Variants in SCP2 observed in about 807,000 individuals in gnomAD.
SCP2 encodes SCP-2/3-oxoacyl-CoA thiolase.
In SCP2, 48 loss-of-function variants were observed where a neutral mutation model predicts 71.4. The observed-to-expected ratio is 0.67, with a 90% CI of 0.53 to 0.86. SCP2 has a LOEUF of 0.86. Ranked by LOEUF, SCP2 falls within the 40% of genes least tolerant of loss-of-function variation. SCP2 has a pLI of 0.00. For missense variants in SCP2, 560 were observed against 655.6 expected (o/e 0.85, Z 1.59); for synonymous variants, 220 against 218.1 (o/e 1.01, Z -0.08).
At chr1:53,037,178 T>C (rs1024755938) in intron 13 of SCP2, among the ~76,000 whole-genome samples, 4 of 146,688 alleles carry the variant, frequency 2.7e-5, no homozygotes, top group Non-Finnish European at 5.9e-5. Flanking sequence ...ATTTATATTT[T>C]CTTCTTCTTG....
chr1:53,047,941 A>G lies in SCP2; in HGVS notation c.1548+4A>G. On this transcript the variant is annotated splice_donor_region_variant and intron_variant, in intron 15 of 15. Coordinates refer to ENST00000371514, the MANE Select transcript of SCP2 (RefSeq NM_002979.5). ...TGGTAAAATGAATCCTCAGTCGGTA[A>G]GTATGATGGAGCTTATATCCTGCTA... 6.3e-7 allele frequency: 1 copy of G among 1,596,882 alleles called. No homozygotes were observed. The highest frequency in any genetic ancestry group is 1.7e-5 in the Admixed American group (1 of 59,994).
At chr1:52,994,714 T>C in intron 11 of SCP2, 1 of 709,434 alleles carries the variant, frequency 1.4e-6, no homozygotes, top group South Asian at 1.5e-5. Flanking sequence ...AAAATTAAAA[T>C]AAATTTTAAC....
In SCP2 at chr1:53,033,863, A is replaced by G. The variant is rs149865058; in HGVS notation, c.1339-5054A>G. Among the ~76,000 whole-genome samples, 1,044 of 152,324 alleles carry G rather than the reference A, an allele frequency of 6.9e-3. 2 individuals are homozygous for G. Among genetic ancestry groups the G allele is most frequent in the Non-Finnish European group, 9.9e-3 (675 of 68,016 alleles). On this transcript the variant is annotated intron_variant, in intron 13 of 15. Coordinates refer to ENST00000371514, the MANE Select transcript of SCP2 (RefSeq NM_002979.5). The stretch of plus-strand genomic sequence containing the variant: ...CATGAAAACTTGTACACAAATGTCT[A>G]TAGCAGTATTATTCATAATAGGAAA...
In SCP2 at chr1:53,034,973, C is replaced by T. The variant is rs189970539; in HGVS notation, c.1339-3944C>T. Among the ~76,000 whole-genome samples, 16 of 151,964 alleles carry T rather than the reference C, an allele frequency of 1.1e-4. No homozygotes were observed. In the South Asian group the frequency reaches 2.5e-3, roughly 24 times the overall value. On this transcript the variant is annotated intron_variant, in intron 13 of 15. Transcript: ENST00000371514. ...ACAAAAAATTAGCCAGGTGTGGTGGCGGGCACCTGTAGTCCCAGCTACTTG... is the reference window on the plus strand; with the variant it reads ...ACAAAAAATTAGCCAGGTGTGGTGGTGGGCACCTGTAGTCCCAGCTACTTG...
At chr1:53,050,053 T>C (rs747724570) in intron 15 of SCP2, 1 of 153,288 alleles carries the variant, frequency 6.5e-6, no homozygotes, top group African/African-American at 2.4e-5. Context: ...CCCAGGCAGT[T>C]GTTAAATGGA....
At chr1:52,985,582 C>A (rs527932781) in intron 10 of SCP2, among the ~76,000 whole-genome samples, 1 of 152,312 alleles carries the variant, frequency 6.6e-6, no homozygotes, top group African/African-American at 2.4e-5. Flanking sequence ...GAATGTGCAG[C>A]AAATCAGTTC....
chr1:53,015,894 C>T (rs1661304503), intron 12 of SCP2, among the ~76,000 whole-genome samples: 1 of 152,156 alleles, frequency 6.6e-6, no homozygotes, highest in African/African-American at 2.4e-5. Context: ...ATAACTTTGT[C>T]TTTATTTTCC....
At chr1:52,959,899 T>A (rs1053421529) in intron 5 of SCP2, among the ~76,000 whole-genome samples, 2 of 151,822 alleles carry the variant, frequency 1.3e-5, no homozygotes, top group East Asian at 3.9e-4. Context: ...TTCAATTTTT[T>A]TTTTTTTTTT....
In SCP2 at chr1:52,943,727, C is replaced by T. The variant is rs548038225; in HGVS notation, c.127+1874C>T. 7 of 459,092 alleles carry T rather than the reference C, an allele frequency of 1.5e-5. No homozygotes were observed. The East Asian group carries it at 1.8e-4, about 12-fold the overall frequency. 28.4% of individuals were successfully genotyped at this position (459,092 alleles called of 1,614,324 possible). A position where few individuals can be genotyped will look rare whatever the true frequency, so the allele number is the denominator to read the frequency against. On this transcript the variant is annotated intron_variant, in intron 2 of 15. Coordinates refer to ENST00000371514, the MANE Select transcript of SCP2 (RefSeq NM_002979.5). Reference sequence around the variant, plus strand: ...GTCCTGAGCAATTTGTTGCACCAGACGCTGGAAGGGAGGTTTGCGAATCAG... The same window carrying T: ...GTCCTGAGCAATTTGTTGCACCAGATGCTGGAAGGGAGGTTTGCGAATCAG...
Position 53,012,069 on chromosome 1 carries a change from A to C in SCP2, c.1082-2821A>C, listed in dbSNP as rs541697562. Among the ~76,000 whole-genome samples, 5 of 152,298 alleles carry C rather than the reference A, an allele frequency of 3.3e-5. No homozygotes were observed. The East Asian group carries it at 5.8e-4, about 18-fold the overall frequency. On this transcript the variant is annotated intron_variant, in intron 11 of 15. Coordinates refer to ENST00000371514, the MANE Select transcript of SCP2 (RefSeq NM_002979.5). ...ATGAAAGCCATAACCCCTTTTCCCC[A>C]AAGCCAGTCATAAAACCTAGAATAC...
At chr1:52,949,936 G>A (rs1314047342) in intron 3 of SCP2, among the ~76,000 whole-genome samples, 1 of 152,088 alleles carries the variant, frequency 6.6e-6, no homozygotes, top group Non-Finnish European at 1.5e-5. Context: ...CTTTGAAGAG[G>A]AACCTCTACT....
chr1:52,927,481 G>A lies in SCP2; in HGVS notation c.69+16G>A. 1 of 1,579,464 alleles carries A rather than the reference G, an allele frequency of 6.3e-7. No individual in the cohort carries two copies. Among genetic ancestry groups the A allele is most frequent in the East Asian group, 2.3e-5 (1 of 43,790 alleles). On this transcript the variant is annotated intron_variant, in intron 1 of 15. Transcript: ENST00000371514. ...CATGACCAAGGTAAACCGAGCAGCGGCCCTGCTGGCCCTCTGAGGCTCGGG... is the reference window on the plus strand; with the variant it reads ...CATGACCAAGGTAAACCGAGCAGCGACCCTGCTGGCCCTCTGAGGCTCGGG...
intron 11 of SCP2, among the ~76,000 whole-genome samples, chr1:52,989,240 G>GTAAAA: frequency 6.6e-6 from 1 of 152,232 alleles, no homozygotes; most frequent in Middle Eastern, 3.4e-3. Flanking sequence ...ATGGGAAGTG[G>GTAAAA]CAAAATAACA....
At chr1:53,013,425 A>G (rs1358580714) in intron 11 of SCP2, among the ~76,000 whole-genome samples, 1 of 143,790 alleles carries the variant, frequency 7.0e-6, no homozygotes, top group Non-Finnish European at 1.5e-5. Context: ...CTCTACTAAA[A>G]AAAAAAAAAA....
intron 5 of SCP2, among the ~76,000 whole-genome samples, chr1:52,957,727 A>G (rs1285976861): frequency 3.3e-5 from 5 of 152,228 alleles, no homozygotes; most frequent in Non-Finnish European, 7.3e-5. Context: ...TGGTGTATCT[A>G]AAAAGCCAAT....
intron 11 of SCP2, chr1:52,994,233 GC>G (rs1659766287): frequency 1.7e-5 from 17 of 1,011,746 alleles, no homozygotes; most frequent in Non-Finnish European, 2.0e-5. Context: ...GGTCACTGAA[GC>G]CTTTAAGAGT....
At chr1:52,927,919 C>G (rs1652647645) in intron 1 of SCP2, among the ~76,000 whole-genome samples, 1 of 152,128 alleles carries the variant, frequency 6.6e-6, no homozygotes, top group South Asian at 2.1e-4. Flanking sequence ...TTCCGGCCTC[C>G]CTCTGTCCCT....
intron 4 of SCP2, among the ~76,000 whole-genome samples, chr1:52,953,685 C>A (rs1655523524): frequency 6.6e-6 from 1 of 151,940 alleles, no homozygotes; most frequent in African/African-American, 2.4e-5. Context: ...AAGATTTTCT[C>A]TATAATTTTT....
chr1:53,007,195 C>A (rs1660693457), intron 11 of SCP2, among the ~76,000 whole-genome samples: 1 of 152,130 alleles, frequency 6.6e-6, no homozygotes, highest in Non-Finnish European at 1.5e-5. Flanking sequence ...GACTTTAATA[C>A]CCCACTGTCA....
Sources: allele counts gnomAD v4.1 joint callset (sites outside exome capture counted in the v4.1 genomes callset), GRCh38; gene constraint gnomAD v4.1.1; transcripts MANE v1.5; gene names NCBI Gene and HGNC (gene_info 2026-07-23, HGNC 2026-07-21).